Variants in SPOCK1 observed in about 807,000 individuals in gnomAD.
SPOCK1 encodes SPARC (osteonectin), cwcv and kazal like domains proteoglycan 1, also known as testican-1.
In SPOCK1, 23 loss-of-function variants were observed where a neutral mutation model predicts 55.3. That is an observed-to-expected ratio of 0.42 (90% CI 0.30 to 0.59). SPOCK1 has a LOEUF of 0.59. SPOCK1 is among the 20% of genes least tolerant of loss of function. The pLI is 0.22. For synonymous variants in SPOCK1, 226 were observed against 221.0 expected (o/e 1.02, Z -0.20); for missense variants, 499 against 552.5 (o/e 0.90, Z 0.97).
intron 2 of SPOCK1, among the ~76,000 whole-genome samples, chr5:137,483,897 G>C (rs1753998827): frequency 6.6e-6 from 1 of 152,228 alleles, no homozygotes; most frequent in Non-Finnish European, 1.5e-5. Flanking sequence ...CGTTCATGAT[G>C]CTGAGACAGC....
intron 6 of SPOCK1, among the ~76,000 whole-genome samples, chr5:137,026,528 C>T (rs909456383): frequency 4.6e-5 from 7 of 152,216 alleles, no homozygotes; most frequent in African/African-American, 1.2e-4. Context: ...TGCCAGCTCA[C>T]CCTGCAGATG....
At chr5:137,472,136 G>A (rs746764191) in intron 2 of SPOCK1, among the ~76,000 whole-genome samples, 33 of 152,162 alleles carry the variant, frequency 2.2e-4, no homozygotes, top group Non-Finnish European at 3.5e-4. Flanking sequence ...CATGCCCGGG[G>A]CCCTGGCCCA....
intron 2 of SPOCK1, among the ~76,000 whole-genome samples, chr5:137,305,227 T>A (rs1201280625): frequency 6.6e-6 from 1 of 152,238 alleles, no homozygotes; most frequent in Non-Finnish European, 1.5e-5. Flanking sequence ...TATCCCATGA[T>A]AAGCATCTAG....
At chr5:137,081,988 A>G (rs1477054444) in intron 5 of SPOCK1, among the ~76,000 whole-genome samples, 1 of 152,138 alleles carries the variant, frequency 6.6e-6, no homozygotes, top group East Asian at 1.9e-4. Context: ...GTCTGATCTC[A>G]TTTCTCCCAG....
chr5:137,036,749 G>C (rs1274196621), intron 6 of SPOCK1, among the ~76,000 whole-genome samples: 4 of 152,190 alleles, frequency 2.6e-5, no homozygotes, highest in Non-Finnish European at 4.4e-5. Flanking sequence ...TCCTGCTCCA[G>C]GCAGTTCCTG....
chr5:137,176,577 G>T (rs775554507), intron 3 of SPOCK1, among the ~76,000 whole-genome samples: 3 of 151,564 alleles, frequency 2.0e-5, no homozygotes, highest in Non-Finnish European at 2.9e-5. Context: ...TTACTAGAAA[G>T]GTACATTTTA....
intron 2 of SPOCK1, among the ~76,000 whole-genome samples, chr5:137,460,850 T>C (rs1753474949): frequency 6.6e-6 from 1 of 152,172 alleles, no homozygotes; most frequent in South Asian, 2.1e-4. Flanking sequence ...TTCCCACCTC[T>C]GGGCCTCTGC....
intron 6 of SPOCK1, among the ~76,000 whole-genome samples, chr5:137,021,610 C>T (rs565394182): frequency 3.9e-4 from 60 of 152,290 alleles, no homozygotes; most frequent in African/African-American, 1.4e-3. Context: ...AGCTGTGTTT[C>T]ATTAAGGTAG....
intron 2 of SPOCK1, among the ~76,000 whole-genome samples, chr5:137,425,085 A>T (rs1010015735): frequency 1.3e-5 from 2 of 152,242 alleles, no homozygotes; most frequent in African/African-American, 4.8e-5. Flanking sequence ...TGAACAACAC[A>T]GTTATAAATA....
chr5:137,347,441 C>G (rs754565044), intron 2 of SPOCK1, among the ~76,000 whole-genome samples: 2 of 152,172 alleles, frequency 1.3e-5, no homozygotes, highest in South Asian at 4.1e-4. Context: ...ACTAAAACAG[C>G]CTCTTAGGCC....
intron 3 of SPOCK1, among the ~76,000 whole-genome samples, chr5:137,156,249 C>A (rs1482062411): frequency 6.6e-6 from 1 of 152,148 alleles, no homozygotes; most frequent in East Asian, 1.9e-4. Flanking sequence ...GACATGTGAA[C>A]GTGGTCTGCC....
At chr5:137,333,484 G>A (rs11743642) in intron 2 of SPOCK1, among the ~76,000 whole-genome samples, 19,163 of 152,184 alleles carry the variant, frequency 0.13, 1,514 homozygotes, top group East Asian at 0.24. Flanking sequence ...GGGACCAATC[G>A]GGGACATGAA....
In SPOCK1 at chr5:137,073,322, G is replaced by T. The variant is rs113512183; in HGVS notation, c.475-5493C>A. ...AAGGAGAGGGAATGATGTATGGTGT[G>T]ATCAGTAAATCTTCTGGAAAGATGA... On this transcript the variant is annotated intron_variant, in intron 5 of 10. Transcript: ENST00000394945. Among the ~76,000 whole-genome samples the T allele has an allele frequency of 9.2e-3, 1,395 of 152,282 alleles. 28 individuals are homozygous for T. Among genetic ancestry groups the T allele is most frequent in the African/African-American group, 0.032 (1,333 of 41,550 alleles).
Position 137,414,157 on chromosome 5 carries a change from A to T in SPOCK1, c.186+84216T>A, listed in dbSNP as rs141440317. 1.8e-4 allele frequency among the ~76,000 whole-genome samples: 27 copies of T among 152,368 alleles called. No individual in the cohort carries two copies. The East Asian group carries it at 5.0e-3, about 28-fold the overall frequency. On this transcript the variant is annotated intron_variant, in intron 2 of 10. Coordinates refer to ENST00000394945, the MANE Select transcript of SPOCK1 (RefSeq NM_004598.4). ...ACAGAAGAGCAAAAATATAATTCTT[A>T]GGGATCAGACAGATTCTGCTTACTT...
chr5:137,420,762 G>T (rs1228700044), intron 2 of SPOCK1, among the ~76,000 whole-genome samples: 2 of 152,058 alleles, frequency 1.3e-5, no homozygotes, highest in Non-Finnish European at 2.9e-5. Context: ...TGGGTTCATT[G>T]ATTTTTTGAA....
At chr5:137,119,722 C>T (rs541751214) in intron 4 of SPOCK1, among the ~76,000 whole-genome samples, 2 of 152,200 alleles carry the variant, frequency 1.3e-5, no homozygotes, top group Non-Finnish European at 2.9e-5. Context: ...TTGCTGTTTA[C>T]AGAAGCTGAA....
intron 5 of SPOCK1, among the ~76,000 whole-genome samples, chr5:137,084,671 G>GTT (rs1752928181): frequency 6.6e-6 from 1 of 151,906 alleles, no homozygotes; most frequent in African/African-American, 2.4e-5. Flanking sequence ...GAGCCACAGA[G>GTT]GAGAAGGTTA....
chr5:137,080,284 G>T (rs886562208), intron 5 of SPOCK1, among the ~76,000 whole-genome samples: 1 of 152,150 alleles, frequency 6.6e-6, no homozygotes, highest in Admixed American at 6.5e-5. Flanking sequence ...CCAAATCCAG[G>T]CTATCTGATT....
At chr5:137,112,692 T>C (rs2127032741) in intron 4 of SPOCK1, 131 bp from the exon 5 acceptor site, 1 of 1,113,620 alleles carries the variant, frequency 9.0e-7, no homozygotes, top group South Asian at 1.8e-5. Context: ...CTGAGGGCCT[T>C]AGCCAGCACT....
Sources: allele counts gnomAD v4.1 joint callset (sites outside exome capture counted in the v4.1 genomes callset), GRCh38; gene constraint gnomAD v4.1.1; transcripts MANE v1.5; gene names NCBI Gene and HGNC (gene_info 2026-07-23, HGNC 2026-07-21).